Variants in KALRN observed in about 807,000 individuals in gnomAD.
KALRN encodes the protein kalirin RhoGEF kinase.
Under a neutral mutation model 353.7 loss-of-function variants are expected in KALRN, and 70 were observed. The observed-to-expected ratio is 0.20, with a 90% CI of 0.16 to 0.24. The LOEUF (loss-of-function observed/expected upper bound fraction) is 0.24. Among genes scored for constraint, KALRN ranks in the 10% least tolerant of loss-of-function variants. The pLI is 1.00. For synonymous variants in KALRN, 1,391 were observed against 1,434.8 expected (o/e 0.97, Z 0.69); for missense variants, 2,791 against 3,756.7 (o/e 0.74, Z 6.72).
intron 1 of KALRN, among the ~76,000 whole-genome samples, chr3:124,198,614 A>T (rs531086087): frequency 3.7e-4 from 57 of 152,306 alleles, no homozygotes; most frequent in African/African-American, 1.3e-3. Flanking sequence ...AGTTCATGAC[A>T]TCCTCTTGAT....
chr3:124,611,655 G>A (rs1332362845), intron 34 of KALRN, among the ~76,000 whole-genome samples: 1 of 152,082 alleles, frequency 6.6e-6, no homozygotes, highest in African/African-American at 2.4e-5. Context: ...GTCACACCCC[G>A]GCCCCTTTTA....
At chr3:124,441,410 A>C (rs2093661327) in intron 18 of KALRN, among the ~76,000 whole-genome samples, 1 of 152,210 alleles carries the variant, frequency 6.6e-6, no homozygotes, top group South Asian at 2.1e-4. Context: ...TCTTCACTTG[A>C]AAAAAGGAAA....
At chr3:124,407,963 C>G (rs1393568293) in intron 13 of KALRN, among the ~76,000 whole-genome samples, 1 of 151,936 alleles carries the variant, frequency 6.6e-6, no homozygotes. Flanking sequence ...TTAGTAGAGA[C>G]GGGGTTTCAC....
chr3:124,483,032 C>G lies in KALRN; in HGVS notation c.4284+132C>G, dbSNP rs143801165. The G allele has an allele frequency of 4.3e-4, 297 of 690,438 alleles. No homozygotes were observed. In the African/African-American group the frequency reaches 4.7e-3, roughly 11 times the overall value. The allele number at this position is 690,438 out of a possible 1,614,324, so 42.8% of individuals were successfully genotyped here. A position where few individuals can be genotyped will look rare whatever the true frequency, so the allele number is the denominator to read the frequency against. On this transcript the variant is annotated intron_variant, in intron 28 of 59. Transcript: ENST00000682506. ...TTCTACCTAGGGCAGAACTTCAGCC[C>G]ACACTGGCATCGCTGTCCTATCCCA...
At chr3:124,137,608 C>T (rs1300747576) in intron 1 of KALRN, among the ~76,000 whole-genome samples, 2 of 152,248 alleles carry the variant, frequency 1.3e-5, no homozygotes, top group East Asian at 1.9e-4. Flanking sequence ...TGCAAGCCTC[C>T]TGACTAGCAG....
intron 1 of KALRN, among the ~76,000 whole-genome samples, chr3:124,140,823 T>G (rs1446435419): frequency 6.6e-6 from 1 of 152,162 alleles, no homozygotes; most frequent in Non-Finnish European, 1.5e-5. Context: ...AGGGGAGGGC[T>G]GGTCTCACCC....
chr3:124,678,330 G>C lies in KALRN; in HGVS notation c.7317+17G>C. ...TCTGTTAAAGTGAGTAAGGTATTCC[G>C]GAGCTGCGTCCCCACCTGTCATCCA... On this transcript the variant is annotated intron_variant, in intron 50 of 59. Transcript: ENST00000682506. 6.2e-7 allele frequency: 1 copy of C among 1,612,390 alleles called. No homozygotes were observed. The highest frequency in any genetic ancestry group is 1.1e-5 in the South Asian group (1 of 91,008).
At chr3:124,567,980 G>A (rs1347387074) in intron 34 of KALRN, among the ~76,000 whole-genome samples, 1 of 148,310 alleles carries the variant, frequency 6.7e-6, no homozygotes, top group Admixed American at 6.7e-5. Flanking sequence ...ATCTCAGGGG[G>A]AAAAAAAAAG....
chr3:124,363,018 C>G (rs1192057191), intron 10 of KALRN, among the ~76,000 whole-genome samples: 1 of 152,084 alleles, frequency 6.6e-6, no homozygotes, highest in Non-Finnish European at 1.5e-5. Context: ...TTTGGATATC[C>G]CAGTTACTCT....
chr3:124,246,928 G>T (rs2070364642), intron 3 of KALRN, among the ~76,000 whole-genome samples: 1 of 152,116 alleles, frequency 6.6e-6, no homozygotes, highest in Non-Finnish European at 1.5e-5. Context: ...CTGGGGAAAA[G>T]GATGTGTTTT....
At position 124,697,630 on chromosome 3, in the gene KALRN, G is replaced by A. The variant is rs532488138; in HGVS notation, c.7737G>A (p.Glu2579=). The A allele has an allele frequency of 2.5e-6, 4 of 1,612,864 alleles. No individual in the cohort carries two copies. In the South Asian group the frequency reaches 4.4e-5, roughly 18 times the overall value. ...PAAPNRPIAQ[E]RSCTSVILRW... ...CCCCTAACCGCCCCATTGCCCAGGA[G>A]AGAAGCTGCACCTCCGTGATTCTCC... is the stretch of plus-strand genomic sequence containing the variant. Residue 2579 remains glutamate (E), a synonymous_variant, in exon 55 of 60, where the codon GAG becomes GAA. Coordinates refer to ENST00000682506, the MANE Select transcript of KALRN (RefSeq NM_001388419.1).
intron 5 of KALRN, among the ~76,000 whole-genome samples, chr3:124,277,031 G>A (rs2074816813): frequency 6.6e-6 from 1 of 152,244 alleles, no homozygotes; most frequent in South Asian, 2.1e-4. Context: ...TGCCGTGCAG[G>A]ACAGATGGTG....
intron 10 of KALRN, among the ~76,000 whole-genome samples, chr3:124,379,453 G>C (rs1038926811): frequency 2.6e-5 from 4 of 151,778 alleles, no homozygotes; most frequent in Non-Finnish European, 4.4e-5. Context: ...TGTCAGTTGT[G>C]GATATTTCTA....
intron 37 of KALRN, among the ~76,000 whole-genome samples, chr3:124,642,292 AC>A (rs35116363): frequency 0.23 from 34,599 of 149,134 alleles, 4,244 homozygotes; most frequent in East Asian, 0.46. Context: ...CTACAGAAAA[AC>A]AAAAAATTAA....
chr3:124,531,367 T>A (rs1217252079), intron 33 of KALRN, among the ~76,000 whole-genome samples: 1 of 152,258 alleles, frequency 6.6e-6, no homozygotes, highest in African/African-American at 2.4e-5. Context: ...ATTTTGGCTC[T>A]ACTCAACAGA....
intron 3 of KALRN, among the ~76,000 whole-genome samples, chr3:124,252,558 C>T (rs1283191905): frequency 1.3e-5 from 2 of 152,224 alleles, no homozygotes; most frequent in Admixed American, 6.5e-5. Flanking sequence ...CCACTGCCCC[C>T]ACTAGCCCTG....
intron 1 of KALRN, chr3:124,094,986 C>G: frequency 7.5e-7 from 1 of 1,328,020 alleles, no homozygotes; most frequent in East Asian, 2.3e-5. Context: ...TGCAGAAAGA[C>G]ACAGCAGAGA....
At chr3:124,170,548 A>G (rs938164788) in intron 1 of KALRN, among the ~76,000 whole-genome samples, 2 of 152,158 alleles carry the variant, frequency 1.3e-5, no homozygotes, top group Non-Finnish European at 2.9e-5. Context: ...ATTCTTTTAA[A>G]AGGCAACAGA....
Position 124,418,200 on chromosome 3 carries a change from G to A in KALRN, c.2542+4535G>A, listed in dbSNP as rs545062321. ...AAGCTACTCTGGGGTGAATAGGAAT[G>A]TGGATCTGAGGGGCTGAGACGAAGG... On this transcript the variant is annotated intron_variant, in intron 14 of 59. Coordinates refer to ENST00000682506, the MANE Select transcript of KALRN (RefSeq NM_001388419.1). Among the ~76,000 whole-genome samples the A allele has an allele frequency of 9.9e-5, 15 of 152,074 alleles. No homozygotes were observed. In the East Asian group the frequency reaches 2.9e-3, roughly 29 times the overall value.
Sources: allele counts gnomAD v4.1 joint callset (sites outside exome capture counted in the v4.1 genomes callset), GRCh38; gene constraint gnomAD v4.1.1; transcripts MANE v1.5; gene names NCBI Gene and HGNC (gene_info 2026-07-23, HGNC 2026-07-21).